The following PANX1 variants were observed in gnomAD, a reference collection of about 807,000 sequenced individuals.
The protein encoded by PANX1 is pannexin-1.
In PANX1, 30 loss-of-function variants were observed where a neutral mutation model predicts 38.7. The ratio of observed to expected loss-of-function variants is 0.78; its 90% CI spans 0.58 to 1.05. The LOEUF (loss-of-function observed/expected upper bound fraction) is 1.05, where lower values mean the gene tolerates loss of function less well. PANX1 is among the 50% of genes least tolerant of loss of function. The pLI is 0.00. For synonymous variants in PANX1, 230 were observed against 212.2 expected (o/e 1.08, Z -0.73); for missense variants, 551 against 517.2 (o/e 1.07, Z -0.63).
At chr11:94,166,738 A>G (rs1947104347) in intron 2 of PANX1, among the ~76,000 whole-genome samples, 1 of 152,102 alleles carries the variant, frequency 6.6e-6, no homozygotes, top group African/African-American at 2.4e-5. Context: ...ACTGAGCCTG[A>G]TATCTAAGTT....
chr11:94,153,525 C>T lies in PANX1; in HGVS notation c.216C>T (p.Phe72=), dbSNP rs536554973. 282 of 1,614,156 alleles carry T rather than the reference C, an allele frequency of 1.7e-4. 2 individuals carry two copies. In the South Asian group the frequency reaches 3.0e-3, roughly 17 times the overall value. The change falls in exon 2 of 5, where the codon TTC becomes TTT. Residue 72 remains phenylalanine (F), a synonymous_variant. Transcript: ENST00000227638. The part of the protein sequence containing the change: ...TQISCFSPSS[F]SWRQAAFVDS... ...TAAGCTGTTTCTCTCCAAGTTCTTT[C>T]TCCTGGCGTCAGGCTGCCTTTGTGG... is the stretch of plus-strand genomic sequence containing the variant.
rs56904740 is a variant in PANX1, at chr11:94,154,860, G to C, written c.321+1230G>C. Among the ~76,000 whole-genome samples, 681 of 152,212 alleles carry C rather than the reference G, an allele frequency of 4.5e-3. 5 individuals carry two copies. The highest frequency in any genetic ancestry group is 0.016 in the African/African-American group (650 of 41,530). ...TATACTGTATTCTTACAATAAGCTA[G>C]AGAACAGAAAATGTTATTAAGAATA... is the stretch of plus-strand genomic sequence containing the variant. On this transcript the variant is annotated intron_variant, in intron 2 of 4. Coordinates refer to ENST00000227638, the MANE Select transcript of PANX1 (RefSeq NM_015368.4).
rs1398177661 is a variant in PANX1, at chr11:94,180,084, A to G, written c.1028A>G (p.Lys343Arg). The G allele has an allele frequency of 1.2e-6, 2 of 1,613,894 alleles. No individual in the cohort carries two copies. Among genetic ancestry groups the G allele is most frequent in the Non-Finnish European group, 1.7e-6 (2 of 1,179,936 alleles). ...TTGGAGGAAAATATAAGTGAGGTCA[A>G]GTCATACAAGTGTCTTAAGGTACTG... ...LFLEENISEVKSYKCLKVLEN... is the reference protein window; with the variant it reads ...LFLEENISEVRSYKCLKVLEN... The change falls in exon 4 of 5, where the codon AAG (lysine) becomes AGG (arginine). Residue 343 changes from lysine to arginine, a missense_variant. Physicochemically the swap from Lys to Arg is conservative, Grantham distance 26. Coordinates refer to ENST00000227638, the MANE Select transcript of PANX1 (RefSeq NM_015368.4).
chr11:94,143,406 G>T (rs771877407), intron 1 of PANX1, among the ~76,000 whole-genome samples: 23 of 152,314 alleles, frequency 1.5e-4, no homozygotes, highest in Middle Eastern at 3.4e-3. Flanking sequence ...AATAGAGGAT[G>T]CGACAAGGGA....
rs775393300 is a variant in PANX1, at chr11:94,179,830, C to T, written c.774C>T (p.Thr258=). The T allele has an allele frequency of 2.3e-5, 37 of 1,613,978 alleles. No individual in the cohort carries two copies. The highest frequency in any genetic ancestry group is 1.6e-4 in the Middle Eastern group (1 of 6,082). ...IKSGILRNDS[T]VPDQFQCKLI... ...CAGGGATCCTGAGAAACGACAGCAC[C>T]GTGCCCGATCAGTTTCAGTGCAAAC... Residue 258 remains threonine (T), a synonymous_variant, in exon 4 of 5, where the codon ACC becomes ACT. Coordinates refer to ENST00000227638, the MANE Select transcript of PANX1 (RefSeq NM_015368.4).
At chr11:94,145,625 C>A (rs1946820589) in intron 1 of PANX1, among the ~76,000 whole-genome samples, 1 of 152,224 alleles carries the variant, frequency 6.6e-6, no homozygotes, top group Non-Finnish European at 1.5e-5. Flanking sequence ...ATACCATCTC[C>A]TGAGTTATTG....
At chr11:94,131,339 G>A (rs1171134970) in intron 1 of PANX1, among the ~76,000 whole-genome samples, 1 of 152,186 alleles carries the variant, frequency 6.6e-6, no homozygotes, top group East Asian at 1.9e-4. Flanking sequence ...GTATTTTTGG[G>A]GTATTGGGAG....
At chr11:94,167,243 G>A (rs151010276) in intron 2 of PANX1, among the ~76,000 whole-genome samples, 1 of 152,268 alleles carries the variant, frequency 6.6e-6, no homozygotes, top group East Asian at 1.9e-4. Context: ...GGGGAGGGGT[G>A]GTGTAAGCAG....
In PANX1 at chr11:94,129,250, C is replaced by G; in HGVS notation, c.-63C>G. ...CCGGCCGGTGACTGGGTGAAGGCGC[C>G]GCGCAGCTTTCCCGACGCCGGCTGT... On this transcript the variant is annotated 5_prime_UTR_variant, in exon 1 of 5. Transcript: ENST00000227638. 6.9e-7 allele frequency: 1 copy of G among 1,455,384 alleles called. No homozygotes were observed. The highest frequency in any genetic ancestry group is 9.4e-7 in the Non-Finnish European group (1 of 1,066,440). 90.2% of individuals were successfully genotyped at this position (1,455,384 alleles called of 1,614,324 possible).
Position 94,181,063 on chromosome 11 carries a change from A to G in PANX1, c.*194A>G. Reference sequence around the variant, plus strand: ...TGGAAGAATGGTTTATGAACTTCCCATAGGAAGCACCTGAGAGATAGTAAA... The same window carrying G: ...TGGAAGAATGGTTTATGAACTTCCCGTAGGAAGCACCTGAGAGATAGTAAA... On this transcript the variant is annotated 3_prime_UTR_variant, in exon 5 of 5. Coordinates refer to ENST00000227638, the MANE Select transcript of PANX1 (RefSeq NM_015368.4). 1 of 571,784 alleles carries G rather than the reference A, an allele frequency of 1.7e-6. No homozygotes were observed. The highest frequency in any genetic ancestry group is 2.9e-5 in the East Asian group (1 of 35,068). 35.4% of individuals were successfully genotyped at this position (571,784 alleles called of 1,614,324 possible). A position where few individuals can be genotyped will look rare whatever the true frequency, so the allele number is the denominator to read the frequency against.
intron 1 of PANX1, among the ~76,000 whole-genome samples, chr11:94,143,556 G>T (rs1028023015): frequency 2.0e-5 from 3 of 152,206 alleles, no homozygotes; most frequent in Admixed American, 6.5e-5. Context: ...AATTCTGTGA[G>T]GTTTTACTAA....
At chr11:94,176,351 A>G (rs1172292911) in intron 2 of PANX1, among the ~76,000 whole-genome samples, 1 of 151,658 alleles carries the variant, frequency 6.6e-6, no homozygotes, top group Non-Finnish European at 1.5e-5. Context: ...TCACAAAACC[A>G]AGGAGTCTAG....
intron 1 of PANX1, among the ~76,000 whole-genome samples, chr11:94,153,104 A>C (rs1247521683): frequency 6.6e-6 from 1 of 152,094 alleles, no homozygotes; most frequent in Non-Finnish European, 1.5e-5. Context: ...AATTTTCCGC[A>C]TTCAGGTGCC....
At chr11:94,143,686 C>A (rs1053661808) in intron 1 of PANX1, among the ~76,000 whole-genome samples, 1 of 151,920 alleles carries the variant, frequency 6.6e-6, no homozygotes, top group Non-Finnish European at 1.5e-5. Flanking sequence ...TCCAGAGAAC[C>A]TCTATTTATA....
At chr11:94,178,025 C>T (rs896246843) in intron 2 of PANX1, among the ~76,000 whole-genome samples, 3 of 148,296 alleles carry the variant, frequency 2.0e-5, no homozygotes, top group Admixed American at 6.7e-5. Context: ...CAGAAGCCTT[C>T]GTGATAGCTG....
chr11:94,151,194 C>T (rs2134491184), intron 1 of PANX1, among the ~76,000 whole-genome samples: 1 of 152,226 alleles, frequency 6.6e-6, no homozygotes, highest in Admixed American at 6.5e-5. Context: ...CAGATGAAGA[C>T]CATTTCTTAA....
At chr11:94,166,610 G>A (rs2134511277) in intron 2 of PANX1, among the ~76,000 whole-genome samples, 1 of 152,294 alleles carries the variant, frequency 6.6e-6, no homozygotes, top group Non-Finnish European at 1.5e-5. Context: ...ACCTTTGAAA[G>A]TTGGATTATT....
rs1947286008 is a variant in PANX1 at position 94,179,981 on chromosome 11, T to C, written c.925T>C (p.Tyr309His). ...ACAGAAGACAGATGTTCTCAAAGTG[T>C]ACGAAATCCTCCCCACTTTTGATGT... ...FRQKTDVLKV[Y>H]EILPTFDVLH... Residue 309 changes from tyrosine to histidine, a missense_variant, in exon 4 of 5, where the codon TAC becomes CAC. By Grantham distance (83) the Tyr-to-His change is moderately conservative (BLOSUM62 2). Transcript: ENST00000227638. 1.3e-6 allele frequency: 2 copies of C among 1,595,246 alleles called. No individual in the cohort carries two copies. Among genetic ancestry groups the C allele is most frequent in the Non-Finnish European group, 1.7e-6 (2 of 1,167,886 alleles).
chr11:94,154,354 C>G (rs912862763), intron 2 of PANX1, among the ~76,000 whole-genome samples: 1 of 152,176 alleles, frequency 6.6e-6, no homozygotes, highest in African/African-American at 2.4e-5. Flanking sequence ...TAAGTTTGTG[C>G]AGAAGAATGT....
Sources: allele counts gnomAD v4.1 joint callset (sites outside exome capture counted in the v4.1 genomes callset), GRCh38; gene constraint gnomAD v4.1.1; transcripts MANE v1.5; gene names NCBI Gene and HGNC (gene_info 2026-07-23, HGNC 2026-07-21).